The following RAB7A variants were observed in gnomAD, a reference collection of about 807,000 sequenced individuals.
The protein encoded by RAB7A is RAB7A, member RAS oncogene family.
In RAB7A, 2 loss-of-function variants were observed where a neutral mutation model predicts 24.5. The observed-to-expected ratio is 0.08, with a 90% CI of 0.03 to 0.26. The LOEUF is 0.26. Among genes scored for constraint, RAB7A ranks in the 10% least tolerant of loss-of-function variants. RAB7A has a pLI of 1.00. For synonymous variants in RAB7A, 100 were observed against 95.9 expected (o/e 1.04, Z -0.25); for missense variants, 118 against 255.7 (o/e 0.46, Z 3.67).
chr3:128,795,751 C>CCTTTTTTTTTTTTTTTTT (rs1933554776), intron 2 of RAB7A, among the ~76,000 whole-genome samples: 1 of 43,032 alleles, frequency 2.3e-5, no homozygotes, highest in Non-Finnish European at 4.7e-5. Context: ...AGCAGATGTG[C>CCTTTTTTTTTTTTTTTTT]TTTTTTTTTT....
At chr3:128,779,658 C>CAT (rs1933177885) in intron 1 of RAB7A, among the ~76,000 whole-genome samples, 1 of 152,132 alleles carries the variant, frequency 6.6e-6, no homozygotes, top group Admixed American at 6.5e-5. Flanking sequence ...GTGGCAAGAT[C>CAT]ATAGTTCACT....
chr3:128,730,307 G>A (rs946792488), intron 1 of RAB7A, among the ~76,000 whole-genome samples: 1 of 151,326 alleles, frequency 6.6e-6, no homozygotes, highest in African/African-American at 2.4e-5. Context: ...TCAGCTCACT[G>A]CAAGCTCCAC....
intron 1 of RAB7A, among the ~76,000 whole-genome samples, chr3:128,728,108 A>G (rs535945109): frequency 6.6e-6 from 1 of 152,242 alleles, no homozygotes; most frequent in Non-Finnish European, 1.5e-5. Flanking sequence ...TCAGCAATGT[A>G]TCAGGCATTG....
At chr3:128,779,439 T>C (rs989805744) in intron 1 of RAB7A, among the ~76,000 whole-genome samples, 2 of 151,306 alleles carry the variant, frequency 1.3e-5, no homozygotes, top group African/African-American at 4.9e-5. Context: ...TCATTGTGGC[T>C]GAGTTTCAGG....
chr3:128,743,791 T>C (rs1354169690), intron 1 of RAB7A, among the ~76,000 whole-genome samples: 2 of 137,776 alleles, frequency 1.5e-5, no homozygotes, highest in African/African-American at 3.1e-5. Context: ...TTTCTCTCTC[T>C]CTTTTTTTTT....
chr3:128,797,892 T>C, intron 2 of RAB7A, 51 bp from the exon 3 acceptor site: 1 of 1,602,266 alleles, frequency 6.2e-7, no homozygotes, highest in East Asian at 2.2e-5. Context: ...TTCGTGTCAG[T>C]TTCAGGACCC....
rs182813705 is a variant in RAB7A, at chr3:128,765,147, G to C, written c.-8-30213G>C. On this transcript the variant is annotated intron_variant, in intron 1 of 5. Transcript: ENST00000265062. ...GCTACGGGCGGCCGGCCGGGGTGGG[G>C]GACGAGCGCTGGGTTCCGTCCAAGC... 813 of 701,032 alleles carry C rather than the reference G, an allele frequency of 1.2e-3. 4 individuals carry two copies. The East Asian group carries it at 0.019, about 17-fold the overall frequency. The allele number at this position is 701,032 out of a possible 1,614,324, so 43.4% of individuals were successfully genotyped here. A position where few individuals can be genotyped will look rare whatever the true frequency, so the allele number is the denominator to read the frequency against.
At chr3:128,744,635 C>T (rs1435607014) in intron 1 of RAB7A, among the ~76,000 whole-genome samples, 2 of 152,212 alleles carry the variant, frequency 1.3e-5, no homozygotes, top group African/African-American at 2.4e-5. Context: ...GCTCCCAGCA[C>T]AGCCTGGTTC....
chr3:128,737,022 C>T (rs927356447), intron 1 of RAB7A, among the ~76,000 whole-genome samples: 6 of 138,630 alleles, frequency 4.3e-5, no homozygotes, highest in African/African-American at 1.1e-4. Context: ...AATCACCTTC[C>T]GATCCTAAGA....
chr3:128,782,393 T>C (rs1933240985), intron 1 of RAB7A, among the ~76,000 whole-genome samples: 1 of 152,074 alleles, frequency 6.6e-6, no homozygotes, highest in East Asian at 1.9e-4. Flanking sequence ...TGGGTGGAGA[T>C]GCTTGCTGTC....
rs775529812 is a variant in RAB7A, at chr3:128,751,130, A to G, written c.-9+24771A>G. Among the ~76,000 whole-genome samples the G allele has an allele frequency of 3.9e-4, 60 of 152,212 alleles. 1 individual carries two copies. The highest frequency in any genetic ancestry group is 6.3e-4 in the Non-Finnish European group (43 of 68,034). ...AGTTTACTGCAGGGGCAGGACTCTC[A>G]TGGAGAACCTCTGCTAGGGCATTGT... On this transcript the variant is annotated intron_variant, in intron 1 of 5. Coordinates refer to ENST00000265062, the MANE Select transcript of RAB7A (RefSeq NM_004637.6).
chr3:128,789,059 C>T (rs528780842), intron 1 of RAB7A, among the ~76,000 whole-genome samples: 19 of 152,256 alleles, frequency 1.2e-4, no homozygotes, highest in African/African-American at 4.3e-4. Flanking sequence ...GAGCTTCTTC[C>T]GATGCACACT....
intron 1 of RAB7A, among the ~76,000 whole-genome samples, chr3:128,775,007 C>T (rs1031561195): frequency 6.6e-6 from 1 of 152,294 alleles, no homozygotes; most frequent in Non-Finnish European, 1.5e-5. Context: ...GTCTCAAACT[C>T]CCAACCTCAG....
At chr3:128,750,871 C>G (rs568369501) in intron 1 of RAB7A, among the ~76,000 whole-genome samples, 1 of 152,306 alleles carries the variant, frequency 6.6e-6, no homozygotes, top group Admixed American at 6.5e-5. Flanking sequence ...GGCCTAGGGT[C>G]CCCGTGGTTT....
intron 1 of RAB7A, among the ~76,000 whole-genome samples, chr3:128,791,849 C>T (rs1161136934): frequency 6.6e-6 from 1 of 152,160 alleles, no homozygotes; most frequent in Admixed American, 6.5e-5. Context: ...TGGACTCTTG[C>T]AAGAACTGCT....
intron 1 of RAB7A, among the ~76,000 whole-genome samples, chr3:128,756,813 T>C (rs1576279294): frequency 6.6e-6 from 1 of 151,972 alleles, no homozygotes; most frequent in East Asian, 1.9e-4. Context: ...ATATTTGGAC[T>C]GTTGGGGTTT....
intron 1 of RAB7A, among the ~76,000 whole-genome samples, chr3:128,729,616 G>A (rs1425149731): frequency 3.3e-5 from 5 of 149,932 alleles, no homozygotes; most frequent in Non-Finnish European, 7.4e-5. Context: ...CACTAATAAC[G>A]TTTTTGCTCT....
chr3:128,757,994 G>T (rs958596211), intron 1 of RAB7A, among the ~76,000 whole-genome samples: 2 of 151,982 alleles, frequency 1.3e-5, no homozygotes, highest in East Asian at 1.9e-4. Context: ...TCAGGGTCTT[G>T]CTCTGTCACC....
At chr3:128,763,932 C>T (rs1021345008) in intron 1 of RAB7A, among the ~76,000 whole-genome samples, 1 of 130,906 alleles carries the variant, frequency 7.6e-6, no homozygotes, top group African/African-American at 3.0e-5. Flanking sequence ...CATTGTTTTC[C>T]TCTACCTACT....
Sources: allele counts gnomAD v4.1 joint callset (sites outside exome capture counted in the v4.1 genomes callset), GRCh38; gene constraint gnomAD v4.1.1; transcripts MANE v1.5; gene names NCBI Gene and HGNC (gene_info 2026-07-23, HGNC 2026-07-21).